MEMO1: variants seen among roughly 807,000 people sequenced by gnomAD.
MEMO1 encodes mediator of cell motility 1.
In MEMO1, 6 loss-of-function variants were observed where a neutral mutation model predicts 45.2. That is an observed-to-expected ratio of 0.13 (90% confidence interval 0.07 to 0.26). The LOEUF (loss-of-function observed/expected upper bound fraction) is 0.26. Ranked by LOEUF, MEMO1 falls within the 10% of genes least tolerant of loss-of-function variation. The pLI is 1.00. For missense variants in MEMO1, 184 were observed against 370.5 expected (o/e 0.50, Z 4.13); for synonymous variants, 78 against 124.3 (o/e 0.63, Z 2.48).
intron 4 of MEMO1, among the ~76,000 whole-genome samples, chr2:31,927,831 T>A (rs1433574392): frequency 6.6e-6 from 1 of 152,216 alleles, no homozygotes; most frequent in Non-Finnish European, 1.5e-5. Flanking sequence ...ACATTTGGTG[T>A]CCTTAATAAG....
At chr2:31,910,966 T>C (rs1333749552) in intron 6 of MEMO1, among the ~76,000 whole-genome samples, 1 of 151,342 alleles carries the variant, frequency 6.6e-6, no homozygotes, top group African/African-American at 2.4e-5. Flanking sequence ...ATAAATGATA[T>C]GATGAGAGGA....
chr2:31,991,466 G>C (rs574945776), intron 2 of MEMO1, among the ~76,000 whole-genome samples: 4 of 151,968 alleles, frequency 2.6e-5, no homozygotes, highest in Admixed American at 2.0e-4. Flanking sequence ...AGCTACTTGG[G>C]AGACTAAGGC....
At chr2:31,985,233 C>A (rs1395792504) in intron 2 of MEMO1, among the ~76,000 whole-genome samples, 1 of 152,154 alleles carries the variant, frequency 6.6e-6, no homozygotes, top group Non-Finnish European at 1.5e-5. Flanking sequence ...AAAATAAAAT[C>A]TATAAACGCT....
At chr2:31,895,997 C>A (rs1423008243) in intron 6 of MEMO1, among the ~76,000 whole-genome samples, 3 of 151,902 alleles carry the variant, frequency 2.0e-5, no homozygotes, top group African/African-American at 4.8e-5. Flanking sequence ...GCGCCCGCCA[C>A]CTCGCCCAGC....
chr2:31,986,028 A>T (rs780885707), intron 2 of MEMO1, among the ~76,000 whole-genome samples: 2 of 152,198 alleles, frequency 1.3e-5, no homozygotes, highest in Non-Finnish European at 2.9e-5. Flanking sequence ...GATTATTCAC[A>T]GTCAGTTACA....
At chr2:31,960,476 A>C (rs1164253531) in intron 2 of MEMO1, among the ~76,000 whole-genome samples, 1 of 152,234 alleles carries the variant, frequency 6.6e-6, no homozygotes, top group African/African-American at 2.4e-5. Flanking sequence ...CTGCTAACAC[A>C]CAAAATATGA....
At chr2:31,911,494 C>T (rs1303716240) in intron 6 of MEMO1, among the ~76,000 whole-genome samples, 1 of 152,140 alleles carries the variant, frequency 6.6e-6, no homozygotes, top group Non-Finnish European at 1.5e-5. Context: ...CTATCCAACA[C>T]AAAGAGTGAA....
chr2:31,994,577 G>A (rs916249322), intron 2 of MEMO1, among the ~76,000 whole-genome samples: 1 of 151,674 alleles, frequency 6.6e-6, no homozygotes, highest in African/African-American at 2.4e-5. Flanking sequence ...GTTGCAGTGA[G>A]CCGAGATTGC....
At chr2:31,927,082 G>A (rs1024486722) in intron 4 of MEMO1, among the ~76,000 whole-genome samples, 2 of 151,980 alleles carry the variant, frequency 1.3e-5, no homozygotes, top group African/African-American at 4.8e-5. Flanking sequence ...TGTAATCCCC[G>A]CACTTTGAGA....
chr2:31,929,206 A>G (rs1683577536), intron 4 of MEMO1, among the ~76,000 whole-genome samples: 3 of 151,824 alleles, frequency 2.0e-5, no homozygotes, highest in African/African-American at 7.3e-5. Flanking sequence ...ACATATTTCC[A>G]TTTTTATTTT....
Position 32,010,175 on chromosome 2 carries a change from C to T in MEMO1, c.61+12G>A. The stretch of plus-strand genomic sequence containing the variant: ...CGACGGCGGCGGGCGGGCCGGCGGC[C>T]TGGGGCCCTACCTGAGGCTGTGTAC... On this transcript the variant is annotated intron_variant, in intron 2 of 9. Transcript: ENST00000404530. The T allele has an allele frequency of 7.2e-7, 1 of 1,393,486 alleles. No individual in the cohort carries two copies. The highest frequency in any genetic ancestry group is 1.4e-5 in the South Asian group (1 of 71,746). The allele number at this position is 1,393,486 out of a possible 1,614,324, so 86.3% of individuals were successfully genotyped here.
At chr2:31,930,145 C>T (rs567887838) in intron 4 of MEMO1, among the ~76,000 whole-genome samples, 110 of 152,234 alleles carry the variant, frequency 7.2e-4, no homozygotes, top group African/African-American at 2.6e-3. Flanking sequence ...CACCTGTAGT[C>T]CTAGCTACCT....
At chr2:31,977,537 A>G (rs1254544030) in intron 2 of MEMO1, among the ~76,000 whole-genome samples, 1 of 151,962 alleles carries the variant, frequency 6.6e-6, no homozygotes, top group African/African-American at 2.4e-5. Context: ...ATTTTGAGAG[A>G]GGTTCTCACT....
chr2:31,941,251 G>C (rs914085015), intron 3 of MEMO1, among the ~76,000 whole-genome samples: 1 of 152,078 alleles, frequency 6.6e-6, no homozygotes, highest in Non-Finnish European at 1.5e-5. Flanking sequence ...AACACACTAA[G>C]CATACTCTTG....
intron 2 of MEMO1, among the ~76,000 whole-genome samples, chr2:31,975,569 T>C (rs960600751): frequency 3.3e-5 from 5 of 152,132 alleles, no homozygotes; most frequent in African/African-American, 1.2e-4. Flanking sequence ...AAAAAGACAG[T>C]AGTGTCCTAG....
chr2:31,933,338 AAAAAAAAAAAATTTAT>A (rs1558514097), intron 3 of MEMO1, among the ~76,000 whole-genome samples: 16 of 57,244 alleles, frequency 2.8e-4, no homozygotes, highest in Non-Finnish European at 4.7e-4. Flanking sequence ...AAAAAAAAAA[AAAAAAAAAAAATTTAT>A]ATATATATAT....
intron 4 of MEMO1, among the ~76,000 whole-genome samples, chr2:31,923,130 G>A (rs1321785184): frequency 6.6e-6 from 1 of 152,008 alleles, no homozygotes; most frequent in African/African-American, 2.4e-5. Context: ...AACCTTGCCA[G>A]CATCTGTTAA....
chr2:31,900,709 T>C (rs867793692), intron 6 of MEMO1, among the ~76,000 whole-genome samples: 1 of 151,856 alleles, frequency 6.6e-6, no homozygotes, highest in Non-Finnish European at 1.5e-5. Context: ...TTGCTCAACA[T>C]CATTAGTCAT....
chr2:31,925,662 T>C (rs1362649834), intron 4 of MEMO1, among the ~76,000 whole-genome samples: 1 of 152,058 alleles, frequency 6.6e-6, no homozygotes. Context: ...TTCATAAGAA[T>C]GCAAGGAAGT....
Sources: gnomAD v4.1 joint callset for allele counts (sites outside exome capture counted in the v4.1 genomes callset) on GRCh38, gnomAD v4.1.1 for gene constraint, MANE v1.5 for transcripts, NCBI Gene and HGNC (gene_info 2026-07-23, HGNC 2026-07-21) for gene names.